Variants in SLC5A12 observed in about 807,000 individuals in gnomAD.
SLC5A12 encodes solute carrier family 5 member 12, also known as sodium-coupled monocarboxylate transporter 2.
A neutral mutation model predicts 72.7 loss-of-function variants in SLC5A12; 46 were observed. The observed-to-expected ratio is 0.63, with a 90% CI of 0.50 to 0.81. SLC5A12 has a LOEUF of 0.81. Ranked by LOEUF, SLC5A12 falls within the 30% of genes least tolerant of loss-of-function variation. SLC5A12 has a pLI of 0.00. For synonymous variants in SLC5A12, 275 were observed against 264.4 expected (o/e 1.04, Z -0.39); for missense variants, 683 against 740.7 (o/e 0.92, Z 0.90).
At chr11:26,705,925 T>TACAC (rs71047876) in intron 4 of SLC5A12, among the ~76,000 whole-genome samples, 57 of 129,716 alleles carry the variant, frequency 4.4e-4, no homozygotes, top group South Asian at 1.5e-3. Context: ...TTCTCTGTCA[T>TACAC]ACACACACAC....
chr11:26,673,473 A>C lies in SLC5A12; in HGVS notation c.1636T>G (p.Phe546Val), dbSNP rs763900727. 6.2e-7 allele frequency: 1 copy of C among 1,612,112 alleles called. No homozygotes were observed. The highest frequency in any genetic ancestry group is 8.5e-7 in the Non-Finnish European group (1 of 1,179,028). Reference protein sequence around the residue: ...PLLIRPVCNLFCFWSKKYKTL... With the variant: ...PLLIRPVCNLVCFWSKKYKTL... ...TTGTACTTCTTAGACCAAAAGCAAA[A>C]TAAATTACAAACTGGTCTAATTAAC... Residue 546 changes from phenylalanine to valine, a missense_variant, in exon 14 of 15, where the codon TTT becomes GTT. Transcript: ENST00000396005.
At chr11:26,706,946 T>C (rs1855104173) in intron 4 of SLC5A12, among the ~76,000 whole-genome samples, 2 of 151,878 alleles carry the variant, frequency 1.3e-5, no homozygotes, top group African/African-American at 4.8e-5. Flanking sequence ...TTTACTATTT[T>C]ATTTTCTTAT....
At position 26,667,688 on chromosome 11, in the gene SLC5A12, TA is replaced by T. The variant is rs1192442955; in HGVS notation, c.*3413del. On this transcript the variant is annotated 3_prime_UTR_variant, in exon 15 of 15. Transcript: ENST00000396005. ...CATCTTTTAGTAATAAACTTGTTTATAACAGTAGTTTTCTCTCTTTTCAGAA... is the reference window on the plus strand; with the variant it reads ...CATCTTTTAGTAATAAACTTGTTTATACAGTAGTTTTCTCTCTTTTCAGAA... 2 of 151,960 alleles carry T rather than the reference TA, an allele frequency of 1.3e-5. 1 individual carries two copies. Among genetic ancestry groups the T allele is most frequent in the Non-Finnish European group, 2.9e-5 (2 of 67,908 alleles). The allele number at this position is 151,960 out of a possible 1,614,324, so 9.4% of individuals were successfully genotyped here.
chr11:26,716,933 C>T (rs1289974835), intron 1 of SLC5A12, among the ~76,000 whole-genome samples: 2 of 152,134 alleles, frequency 1.3e-5, no homozygotes, highest in Non-Finnish European at 2.9e-5. Context: ...CCTTCCCAAA[C>T]ACTGTAATGA....
chr11:26,695,602 A>G (rs1565193437), intron 8 of SLC5A12, among the ~76,000 whole-genome samples: 1 of 152,194 alleles, frequency 6.6e-6, no homozygotes, highest in Non-Finnish European at 1.5e-5. Flanking sequence ...TTAATAAAGC[A>G]AATAGACAAT....
intron 4 of SLC5A12, among the ~76,000 whole-genome samples, chr11:26,707,768 A>T (rs1855125063): frequency 6.6e-6 from 1 of 151,914 alleles, no homozygotes; most frequent in Admixed American, 6.6e-5. Flanking sequence ...GCTGATCCTC[A>T]CTCACAGTAA....
At chr11:26,715,554 G>C (rs1002977747) in intron 1 of SLC5A12, among the ~76,000 whole-genome samples, 6 of 152,046 alleles carry the variant, frequency 3.9e-5, no homozygotes, top group African/African-American at 1.4e-4. Context: ...GTTTCACGTT[G>C]CCACTTGTCT....
intron 8 of SLC5A12, 88 bp from the exon 9 acceptor site, chr11:26,692,689 G>T: frequency 2.4e-6 from 2 of 817,444 alleles, no homozygotes; most frequent in Non-Finnish European, 4.1e-6. Context: ...GATAGATAAG[G>T]CAGGCCTCTA....
chr11:26,688,045 G>A (rs904359844), intron 9 of SLC5A12, among the ~76,000 whole-genome samples: 12 of 152,234 alleles, frequency 7.9e-5, no homozygotes, highest in African/African-American at 2.6e-4. Flanking sequence ...GAGATTCTAG[G>A]CAGCCATCCC....
intron 4 of SLC5A12, among the ~76,000 whole-genome samples, chr11:26,705,422 A>G (rs1438771891): frequency 6.6e-6 from 1 of 152,110 alleles, no homozygotes; most frequent in African/African-American, 2.4e-5. Flanking sequence ...GAAAAACAGA[A>G]TTATCATCTC....
chr11:26,675,730 G>A (rs1229481447), intron 13 of SLC5A12, among the ~76,000 whole-genome samples: 1 of 152,162 alleles, frequency 6.6e-6, no homozygotes, highest in Non-Finnish European at 1.5e-5. Context: ...TCCATGAGCA[G>A]AATGCAACCT....
At chr11:26,677,269 G>A (rs1449539305) in intron 13 of SLC5A12, among the ~76,000 whole-genome samples, 1 of 152,184 alleles carries the variant, frequency 6.6e-6, no homozygotes, top group Non-Finnish European at 1.5e-5. Flanking sequence ...AGAAAACAAA[G>A]GGATTAATAC....
At chr11:26,687,008 C>T (rs1276398759) in intron 9 of SLC5A12, among the ~76,000 whole-genome samples, 1 of 152,128 alleles carries the variant, frequency 6.6e-6, no homozygotes, top group Non-Finnish European at 1.5e-5. Flanking sequence ...TAACAGGTTT[C>T]GCAAATCTGG....
At chr11:26,698,615 T>C in intron 6 of SLC5A12, 80 bp from the exon 7 acceptor site, 1 of 1,413,850 alleles carries the variant, frequency 7.1e-7, no homozygotes. Context: ...GTACTCAAGG[T>C]AAAGGGTTTT....
chr11:26,712,071 C>T (rs1354967795), intron 2 of SLC5A12, among the ~76,000 whole-genome samples: 2 of 151,990 alleles, frequency 1.3e-5, no homozygotes, highest in African/African-American at 4.8e-5. Context: ...AGGGAAGAAG[C>T]TTATCTTCTA....
At chr11:26,681,385 A>G (rs535816481) in intron 11 of SLC5A12, among the ~76,000 whole-genome samples, 164 bp from the exon 12 acceptor site, 1 of 152,174 alleles carries the variant, frequency 6.6e-6, no homozygotes, top group African/African-American at 2.4e-5. Context: ...CTCAACTCCC[A>G]TAATGCAGGT....
intron 1 of SLC5A12, among the ~76,000 whole-genome samples, chr11:26,719,236 G>T (rs1171853873): frequency 6.6e-6 from 1 of 152,176 alleles, no homozygotes; most frequent in Non-Finnish European, 1.5e-5. Context: ...TATAGTGTGT[G>T]TATAACTTTT....
At chr11:26,688,513 G>A (rs1015209292) in intron 9 of SLC5A12, among the ~76,000 whole-genome samples, 8 of 152,094 alleles carry the variant, frequency 5.3e-5, no homozygotes, top group Non-Finnish European at 1.0e-4. Flanking sequence ...ACAAATAAAC[G>A]AAGAAAGGAA....
intron 10 of SLC5A12, among the ~76,000 whole-genome samples, chr11:26,684,436 GGA>G (rs1466470772): frequency 1.3e-5 from 2 of 152,080 alleles, no homozygotes; most frequent in African/African-American, 4.8e-5. Context: ...TGATTACATA[GGA>G]GAGTCAATAA....
Sources: allele counts gnomAD v4.1 joint callset (sites outside exome capture counted in the v4.1 genomes callset), GRCh38; gene constraint gnomAD v4.1.1; transcripts MANE v1.5; gene names NCBI Gene and HGNC (gene_info 2026-07-23, HGNC 2026-07-21).